Variants in EIF4G3 observed in about 807,000 individuals in gnomAD.
EIF4G3 encodes the protein eukaryotic translation initiation factor 4 gamma 3.
A neutral mutation model predicts 186.4 loss-of-function variants in EIF4G3; 34 were observed. That is an observed-to-expected ratio of 0.18 (90% confidence interval 0.14 to 0.24). EIF4G3 has a LOEUF of 0.24. Ranked by LOEUF, EIF4G3 falls within the 10% of genes least tolerant of loss-of-function variation. The pLI, the probability that EIF4G3 is intolerant of heterozygous loss-of-function variation, is 1.00. For missense variants in EIF4G3, 1,536 were observed against 1,948.5 expected (o/e 0.79, Z 3.99); for synonymous variants, 673 against 679.5 (o/e 0.99, Z 0.15).
At chr1:21,029,860 T>G (rs1414463228) in intron 4 of EIF4G3, among the ~76,000 whole-genome samples, 1 of 152,112 alleles carries the variant, frequency 6.6e-6, no homozygotes, top group East Asian at 1.9e-4. Flanking sequence ...TATTTATTAT[T>G]TTATTTTTTA....
At chr1:21,002,561 A>T in intron 5 of EIF4G3, 152 bp downstream of exon 5, 1 of 743,312 alleles carries the variant, frequency 1.3e-6, no homozygotes, top group Non-Finnish European at 2.1e-6. Context: ...GAAAATACAA[A>T]GCTAACAAAT....
intron 2 of EIF4G3, among the ~76,000 whole-genome samples, chr1:21,092,231 C>G (rs376765018): frequency 6.6e-6 from 1 of 152,150 alleles, no homozygotes; most frequent in African/African-American, 2.4e-5. Context: ...AAGGCCTTTT[C>G]TGCATCTATT....
intron 20 of EIF4G3, among the ~76,000 whole-genome samples, chr1:20,873,785 A>T (rs1336278798): frequency 6.7e-6 from 1 of 149,540 alleles, no homozygotes; most frequent in Non-Finnish European, 1.5e-5. Flanking sequence ...ATAGGTATAC[A>T]TGTGCCATGG....
rs565464667 is a variant in EIF4G3, at chr1:21,175,016, T to C, written c.-272+1159A>G. On this transcript the variant is annotated intron_variant, in intron 2 of 36. Transcript: ENST00000602326. ...AATCAAACTACAGACTGTGAAATAA[T>C]CTGGGGACCTCACAGCAGTTAGCTT... The C allele has an allele frequency of 4.6e-5, 7 of 152,314 alleles. No homozygotes were observed. The East Asian group carries it at 1.3e-3, about 29-fold the overall frequency. 9.4% of individuals were successfully genotyped at this position (152,314 alleles called of 1,614,324 possible).
intron 16 of EIF4G3, among the ~76,000 whole-genome samples, chr1:20,898,246 T>C (rs1162184296): frequency 6.6e-6 from 1 of 152,144 alleles, no homozygotes; most frequent in Non-Finnish European, 1.5e-5. Context: ...TGGGAGCACT[T>C]TGGGAGGCTG....
At chr1:21,035,614 T>C (rs767159941) in intron 4 of EIF4G3, among the ~76,000 whole-genome samples, 1 of 152,224 alleles carries the variant, frequency 6.6e-6, no homozygotes, top group Non-Finnish European at 1.5e-5. Flanking sequence ...CCCTTCCAGC[T>C]TGGCCCCTCC....
At chr1:21,109,397 C>T (rs1234465052) in intron 2 of EIF4G3, among the ~76,000 whole-genome samples, 1 of 152,136 alleles carries the variant, frequency 6.6e-6, no homozygotes, top group African/African-American at 2.4e-5. Context: ...GTAATCCTAA[C>T]ACTTTGGGAG....
At position 21,069,843 on chromosome 1, in the gene EIF4G3, G is replaced by C. The variant is rs569010473; in HGVS notation, c.-195-18849C>G. Among the ~76,000 whole-genome samples, 6 of 152,290 alleles carry C rather than the reference G, an allele frequency of 3.9e-5. No homozygotes were observed. In the South Asian group the frequency reaches 1.2e-3, roughly 32 times the overall value. On this transcript the variant is annotated intron_variant, in intron 3 of 36. Transcript: ENST00000602326. The stretch of plus-strand genomic sequence containing the variant: ...TTTGATGACACTGACTGTGAGGTTT[G>C]TCGAAAGAAAAGAGGATGAGCTAAT...
chr1:21,062,891 A>AAT (rs918662010), intron 3 of EIF4G3, among the ~76,000 whole-genome samples: 7 of 151,990 alleles, frequency 4.6e-5, no homozygotes, highest in African/African-American at 7.3e-5. Context: ...GTGCCCAGCC[A>AAT]ATATATATAT....
At chr1:21,172,399 C>T (rs1006566548) in intron 2 of EIF4G3, among the ~76,000 whole-genome samples, 1 of 152,196 alleles carries the variant, frequency 6.6e-6, no homozygotes, top group Non-Finnish European at 1.5e-5. Flanking sequence ...GGACCAAGTT[C>T]TTTGAGGGCA....
At chr1:21,142,911 T>A (rs112573690) in intron 2 of EIF4G3, among the ~76,000 whole-genome samples, 1 of 152,088 alleles carries the variant, frequency 6.6e-6, no homozygotes. Context: ...GAAATAGATA[T>A]CTATTACTGA....
intron 24 of EIF4G3, 103 bp downstream of exon 24, chr1:20,860,282 T>C (rs1414613847): frequency 6.7e-7 from 1 of 1,487,144 alleles, no homozygotes; most frequent in Non-Finnish European, 9.2e-7. Flanking sequence ...CTCTATTCTT[T>C]GGGCTGTTCT....
intron 26 of EIF4G3, among the ~76,000 whole-genome samples, chr1:20,854,587 C>T (rs965822082): frequency 3.3e-5 from 5 of 150,404 alleles, no homozygotes; most frequent in Non-Finnish European, 7.4e-5. Flanking sequence ...CACCTGTAGT[C>T]CCAGCTACTC....
intron 7 of EIF4G3, among the ~76,000 whole-genome samples, chr1:20,987,543 A>C (rs2079858268): frequency 6.6e-6 from 1 of 152,058 alleles, no homozygotes; most frequent in Admixed American, 6.6e-5. Flanking sequence ...CAATTTTTTC[A>C]TTATTATTAT....
chr1:21,014,274 T>C (rs1353494724), intron 4 of EIF4G3, among the ~76,000 whole-genome samples: 1 of 152,244 alleles, frequency 6.6e-6, no homozygotes, highest in African/African-American at 2.4e-5. Context: ...TCTGGCCCAG[T>C]TCAAAAGTTA....
chr1:21,076,110 A>G (rs2095581698), intron 3 of EIF4G3, among the ~76,000 whole-genome samples: 1 of 152,208 alleles, frequency 6.6e-6, no homozygotes, highest in Admixed American at 6.5e-5. Flanking sequence ...AAGTCTCAGC[A>G]AATTTAAAAG....
Position 20,941,836 on chromosome 1 carries a change from T to C in EIF4G3, c.1318A>G (p.Thr440Ala). ...TTTTCGAGAATCTCCAATTCAAGAG[T>C]CAATGGCAATACTTCCTGTTTTACT... ...EIVKQEVLPL[T>A]LELEILENPP... Residue 440 changes from threonine (T) to alanine (A), a missense_variant, in exon 14 of 37, where the codon ACT (threonine) becomes GCT (alanine). Transcript: ENST00000602326. 6.2e-7 allele frequency: 1 copy of C among 1,614,056 alleles called. No individual in the cohort carries two copies. The highest frequency in any genetic ancestry group is 1.6e-4 in the Middle Eastern group (1 of 6,062).
chr1:21,078,776 G>C (rs183631240), intron 3 of EIF4G3, among the ~76,000 whole-genome samples: 2 of 152,326 alleles, frequency 1.3e-5, no homozygotes, highest in African/African-American at 4.8e-5. Context: ...CTTGAGGTCA[G>C]GAGTTCGAGA....
intron 14 of EIF4G3, among the ~76,000 whole-genome samples, chr1:20,919,295 A>G (rs1335740457): frequency 6.6e-6 from 1 of 152,132 alleles, no homozygotes; most frequent in Non-Finnish European, 1.5e-5. Context: ...TGCAGCTTCA[A>G]CTTCCCTGGT....
Sources: gnomAD v4.1 joint callset for allele counts (sites outside exome capture counted in the v4.1 genomes callset) on GRCh38, gnomAD v4.1.1 for gene constraint, MANE v1.5 for transcripts, NCBI Gene and HGNC (gene_info 2026-07-23, HGNC 2026-07-21) for gene names.